Variants in NBEA observed in about 807,000 individuals in gnomAD.
NBEA encodes lysosomal-trafficking regulator 2.
NBEA carries 44 observed loss-of-function variants against 343.4 expected under a neutral mutation model. The observed-to-expected ratio is 0.13, with a 90% CI of 0.10 to 0.16. The LOEUF is 0.16. Among genes scored for constraint, NBEA ranks in the 10% least tolerant of loss-of-function variants. The pLI is 1.00. For missense variants in NBEA, 2,555 were observed against 3,631.3 expected (o/e 0.70, Z 7.62); for synonymous variants, 1,175 against 1,238.7 (o/e 0.95, Z 1.08).
chr13:35,079,439 C>A (rs1300135009), intron 10 of NBEA, among the ~76,000 whole-genome samples: 1 of 152,128 alleles, frequency 6.6e-6, no homozygotes, highest in Non-Finnish European at 1.5e-5. Context: ...ATACTATTAA[C>A]TGTTAAAAGA....
intron 1 of NBEA, among the ~76,000 whole-genome samples, chr13:35,011,532 TTAA>T (rs1216818802): frequency 6.6e-6 from 1 of 152,200 alleles, no homozygotes; most frequent in Non-Finnish European, 1.5e-5. Flanking sequence ...AACAGAATTA[TTAA>T]TGTTAGTGCA....
rs139958224 is a variant in NBEA, at chr13:35,024,220, A to C, written c.295-16713A>C. ...GTATTCCATGGTGTATATGCACCAC[A>C]TTTCTTTATCCAGCCCACTGTTGAT... On this transcript the variant is annotated intron_variant, in intron 1 of 58. Transcript: ENST00000379939. Among the ~76,000 whole-genome samples, 467 of 152,162 alleles carry C rather than the reference A, an allele frequency of 3.1e-3. 3 individuals are homozygous for C. Among genetic ancestry groups the C allele is most frequent in the African/African-American group, 0.011 (448 of 41,530 alleles).
At chr13:35,418,977 A>T (rs1032405816) in intron 38 of NBEA, among the ~76,000 whole-genome samples, 1 of 152,006 alleles carries the variant, frequency 6.6e-6, no homozygotes, top group African/African-American at 2.4e-5. Flanking sequence ...ACCCAAGTTT[A>T]AAAACAATTG....
intron 41 of NBEA, among the ~76,000 whole-genome samples, chr13:35,533,471 C>G (rs535400363): frequency 5.3e-5 from 8 of 152,210 alleles, no homozygotes; most frequent in African/African-American, 1.9e-4. Flanking sequence ...TCCCTGCTCC[C>G]AACCTAAGTT....
At chr13:35,294,984 G>A (rs1422034595) in intron 35 of NBEA, among the ~76,000 whole-genome samples, 1 of 150,994 alleles carries the variant, frequency 6.6e-6, no homozygotes, top group Non-Finnish European at 1.5e-5. Context: ...GCTTCCCTGG[G>A]CCACACTGGA....
chr13:35,099,191 G>T (rs1259720726), intron 11 of NBEA, among the ~76,000 whole-genome samples: 3 of 143,902 alleles, frequency 2.1e-5, no homozygotes, highest in African/African-American at 7.5e-5. Flanking sequence ...CACCATGCCT[G>T]GCTAAAGTTT....
At chr13:35,233,146 G>A (rs548013800) in intron 34 of NBEA, among the ~76,000 whole-genome samples, 1 of 152,148 alleles carries the variant, frequency 6.6e-6, no homozygotes, top group East Asian at 1.9e-4. Context: ...AAGGAGAGTG[G>A]CTTTGAAAAA....
intron 48 of NBEA, among the ~76,000 whole-genome samples, chr13:35,608,320 A>T (rs1363761989): frequency 1.3e-5 from 2 of 152,092 alleles, no homozygotes; most frequent in Non-Finnish European, 2.9e-5. Context: ...ACAATAGCTT[A>T]TTTCTTCAAT....
intron 7 of NBEA, among the ~76,000 whole-genome samples, chr13:35,057,677 A>C (rs1356061970): frequency 6.6e-6 from 1 of 152,088 alleles, no homozygotes; most frequent in Non-Finnish European, 1.5e-5. Flanking sequence ...ATCTCTCCAG[A>C]GTCTTTTTAT....
At chr13:35,565,230 T>A (rs564697543) in intron 44 of NBEA, among the ~76,000 whole-genome samples, 1 of 152,202 alleles carries the variant, frequency 6.6e-6, no homozygotes, top group East Asian at 1.9e-4. Context: ...GTTTATACAT[T>A]TAAAGCAATA....
chr13:35,399,558 C>T (rs935915978), intron 38 of NBEA, among the ~76,000 whole-genome samples: 2 of 152,086 alleles, frequency 1.3e-5, no homozygotes, highest in Admixed American at 1.3e-4. Flanking sequence ...GTCCCTCCCT[C>T]GGCACATGGG....
At chr13:35,351,903 C>T (rs2040220227) in intron 37 of NBEA, among the ~76,000 whole-genome samples, 1 of 151,868 alleles carries the variant, frequency 6.6e-6, no homozygotes, top group South Asian at 2.1e-4. Context: ...AAATTAGATT[C>T]TCAGAATTGG....
chr13:35,550,419 G>A (rs2079261785), intron 41 of NBEA, 58 bp from the exon 42 acceptor site: 1 of 946,986 alleles, frequency 1.1e-6, no homozygotes, highest in Non-Finnish European at 1.7e-6. Context: ...TACTGTCAGA[G>A]TAGATCTTAA....
At chr13:34,954,956 TA>T (rs1190991104) in intron 1 of NBEA, among the ~76,000 whole-genome samples, 1 of 152,168 alleles carries the variant, frequency 6.6e-6, no homozygotes, top group Non-Finnish European at 1.5e-5. Flanking sequence ...GTTTATATTT[TA>T]AAAAAAGTTT....
At chr13:35,444,527 G>A (rs926200397) in intron 39 of NBEA, among the ~76,000 whole-genome samples, 13 of 151,976 alleles carry the variant, frequency 8.6e-5, no homozygotes, top group Non-Finnish European at 1.3e-4. Context: ...AAAATATTGA[G>A]AAATGGCGTA....
chr13:34,999,152 G>A (rs1038133038), intron 1 of NBEA, among the ~76,000 whole-genome samples: 33 of 151,996 alleles, frequency 2.2e-4, no homozygotes, highest in African/African-American at 8.0e-4. Flanking sequence ...ACAAAATTGG[G>A]GTAAGAATCC....
chr13:35,368,620 G>T (rs894976090), intron 38 of NBEA, among the ~76,000 whole-genome samples: 2 of 150,946 alleles, frequency 1.3e-5, no homozygotes, highest in East Asian at 1.9e-4. Flanking sequence ...ACTATTGTTC[G>T]TTTGTTACTT....
intron 6 of NBEA, 148 bp from the exon 7 acceptor site, chr13:35,055,862 T>C: frequency 2.0e-6 from 1 of 491,548 alleles, no homozygotes; most frequent in Non-Finnish European, 3.2e-6. Flanking sequence ...AAATGAGAAA[T>C]GAGAGGGGGA....
chr13:35,309,457 G>C, intron 35 of NBEA, 71 bp from the exon 36 acceptor site: 1 of 786,784 alleles, frequency 1.3e-6, no homozygotes, highest in Non-Finnish European at 2.1e-6. Flanking sequence ...ATATCAACAT[G>C]ATCCTTAAAC....
Sources: allele counts gnomAD v4.1 joint callset (sites outside exome capture counted in the v4.1 genomes callset), GRCh38; gene constraint gnomAD v4.1.1; transcripts MANE v1.5; gene names NCBI Gene and HGNC (gene_info 2026-07-23, HGNC 2026-07-21).